The following AQR variants were observed in gnomAD, a reference collection of about 807,000 sequenced individuals.
AQR encodes RNA helicase aquarius.
Under a neutral mutation model 180.5 loss-of-function variants are expected in AQR, and 61 were observed. That is an observed-to-expected ratio of 0.34 (90% CI 0.28 to 0.42). The LOEUF (loss-of-function observed/expected upper bound fraction) is 0.42, where lower values mean the gene tolerates loss of function less well. AQR is among the 10% of genes least tolerant of loss of function. The pLI is 1.00. For missense variants in AQR, 1,281 were observed against 1,798.3 expected (o/e 0.71, Z 5.20); for synonymous variants, 551 against 588.8 (o/e 0.94, Z 0.93).
rs373180535 is a variant in AQR at position 34,854,193 on chromosome 15, C to T, written c.*2599G>A. On this transcript the variant is annotated 3_prime_UTR_variant, in exon 35 of 35. Coordinates refer to ENST00000156471, the MANE Select transcript of AQR (RefSeq NM_014691.3). ...AAAAAAGAAGAAGAAATTCTAAATA[C>T]TTGAATTGCTTCATTTCATGCTCAT... 5.1e-4 allele frequency: 75 copies of T among 146,492 alleles called. No individual in the cohort carries two copies. Among genetic ancestry groups the T allele is most frequent in the African/African-American group, 1.4e-3 (57 of 39,910 alleles). The allele number at this position is 146,492 out of a possible 1,614,324, so 9.1% of individuals were successfully genotyped here. A position where few individuals can be genotyped will look rare whatever the true frequency, so the allele number is the denominator to read the frequency against.
In AQR at chr15:34,952,918, AACCTG is replaced by A; in HGVS notation, c.174-3_175del. 7.0e-7 allele frequency: 1 copy of A among 1,433,212 alleles called. No homozygotes were observed. Among genetic ancestry groups the A allele is most frequent in the Non-Finnish European group, 9.6e-7 (1 of 1,037,654 alleles). 88.8% of individuals were successfully genotyped at this position (1,433,212 alleles called of 1,614,324 possible). Reference sequence around the variant, plus strand: ...CAAGAGCATTATCTTTCTAATAGCAAACCTGAAAACATAAAAATAAATAAAATGTT... The same window carrying A: ...CAAGAGCATTATCTTTCTAATAGCAAAAAACATAAAAATAAATAAAATGTT... On this transcript the variant is annotated splice_acceptor_variant and splice_polypyrimidine_tract_variant and coding_sequence_variant and intron_variant, in exon 4 of 35. Transcript: ENST00000156471. LOFTEE classifies it high-confidence loss of function.
At chr15:34,865,001 G>A (rs1009952773) in intron 32 of AQR, among the ~76,000 whole-genome samples, 4 of 152,150 alleles carry the variant, frequency 2.6e-5, no homozygotes, top group Non-Finnish European at 5.9e-5. Flanking sequence ...ATCTGAAAAT[G>A]TTTGTTAAAT....
chr15:34,862,739 G>A (rs1892686444), intron 33 of AQR, 128 bp downstream of exon 33: 1 of 1,014,168 alleles, frequency 9.9e-7, no homozygotes, highest in South Asian at 1.7e-5. Flanking sequence ...GTTCCTCAGT[G>A]CAGCACACTC....
chr15:34,897,790 T>C, intron 20 of AQR, 85 bp from the exon 21 acceptor site: 2 of 1,392,984 alleles, frequency 1.4e-6, no homozygotes, highest in Non-Finnish European at 2.0e-6. Flanking sequence ...GTATGCACGA[T>C]AATCAGAGGA....
intron 5 of AQR, among the ~76,000 whole-genome samples, chr15:34,945,219 T>C (rs1894091773): frequency 6.6e-6 from 1 of 152,228 alleles, no homozygotes; most frequent in African/African-American, 2.4e-5. Context: ...ATTCCTCTAC[T>C]AGATGACTTA....
At chr15:34,897,469 A>G in intron 21 of AQR, 90 bp downstream of exon 21, 1 of 1,479,424 alleles carries the variant, frequency 6.8e-7, no homozygotes, top group Non-Finnish European at 9.3e-7. Context: ...TGGAGTTTTA[A>G]AAGAAACAGA....
chr15:34,925,333 A>G (rs543386895), intron 13 of AQR, among the ~76,000 whole-genome samples: 1 of 152,232 alleles, frequency 6.6e-6, no homozygotes, highest in African/African-American at 2.4e-5. Context: ...ATTAAAATCC[A>G]ATTTACCCAG....
intron 34 of AQR, among the ~76,000 whole-genome samples, chr15:34,858,345 AAC>A (rs1892621522): frequency 6.6e-6 from 1 of 151,100 alleles, no homozygotes; most frequent in African/African-American, 2.4e-5. Context: ...AAAAAAAGAA[AAC>A]GAAAAAGAAA....
At chr15:34,936,761 C>T (rs10152248) in intron 9 of AQR, among the ~76,000 whole-genome samples, 2,725 of 151,782 alleles carry the variant, frequency 0.018, 72 homozygotes, top group African/African-American at 0.057. Context: ...TAAACAATAG[C>T]GGCAACAGCA....
chr15:34,939,385 C>A (rs1275172655), intron 8 of AQR, among the ~76,000 whole-genome samples: 1 of 152,070 alleles, frequency 6.6e-6, no homozygotes, highest in East Asian at 1.9e-4. Context: ...AGCTCCCAGC[C>A]AAACATTTTC....
chr15:34,878,475 T>C (rs897839085), intron 27 of AQR, among the ~76,000 whole-genome samples: 1 of 152,090 alleles, frequency 6.6e-6, no homozygotes, highest in African/African-American at 2.4e-5. Flanking sequence ...ACATAGAATT[T>C]TGTACATTGT....
chr15:34,875,883 C>A, intron 28 of AQR, 52 bp downstream of exon 28: 1 of 1,412,608 alleles, frequency 7.1e-7, no homozygotes, highest in Non-Finnish European at 1.0e-6. Flanking sequence ...TGATGCTGTC[C>A]TCAGCATTCT....
intron 16 of AQR, among the ~76,000 whole-genome samples, chr15:34,914,186 T>G (rs1893543773): frequency 1.3e-5 from 2 of 152,214 alleles, no homozygotes; most frequent in Non-Finnish European, 2.9e-5. Flanking sequence ...CTCATAGTAT[T>G]TTACTCATTT....
In AQR at chr15:34,856,893, CA is replaced by C. The variant is rs1892593305; in HGVS notation, c.4356del (p.Ala1453LeufsTer10). On this transcript the variant is annotated frameshift_variant, in exon 35 of 35. Transcript: ENST00000156471. LOFTEE classifies it low-confidence loss of function (END_TRUNC). ...TGATSTPEAI[P>X]ALSETTPTVV... is the part of the protein sequence containing the mutation. ...ACAGTAGGGGTGGTCTCAGATAAAG[CA>C]GGGATGGCTTCTGGAGTGGAAGTGG... 1 of 1,613,836 alleles carries C rather than the reference CA, an allele frequency of 6.2e-7. No homozygotes were observed. The highest frequency in any genetic ancestry group is 8.5e-7 in the Non-Finnish European group (1 of 1,179,882).
intron 9 of AQR, among the ~76,000 whole-genome samples, chr15:34,938,357 A>G (rs1035893993): frequency 1.3e-5 from 2 of 152,066 alleles, no homozygotes; most frequent in Non-Finnish European, 2.9e-5. Context: ...AACATGGAGA[A>G]ACCCCGTCTC....
At position 34,859,104 on chromosome 15, in the gene AQR, A is replaced by T. The variant is rs1892632668; in HGVS notation, c.4143+938T>A. Among the ~76,000 whole-genome samples the T allele has an allele frequency of 2.6e-5, 4 of 152,248 alleles. No individual in the cohort carries two copies. In the South Asian group the frequency reaches 8.3e-4, roughly 32 times the overall value. On this transcript the variant is annotated intron_variant, in intron 34 of 34. Transcript: ENST00000156471. Reference sequence around the variant, plus strand: ...TTAAAACTTTTGCTCTTTGAAAGACACTTACAAAATAAATAAACAAGCCAG... The same window carrying T: ...TTAAAACTTTTGCTCTTTGAAAGACTCTTACAAAATAAATAAACAAGCCAG...
intron 4 of AQR, among the ~76,000 whole-genome samples, chr15:34,950,724 C>A (rs969707059): frequency 1.3e-5 from 2 of 151,982 alleles, no homozygotes; most frequent in African/African-American, 4.8e-5. Context: ...GCTGTTCACT[C>A]TTGCTTATAG....
intron 3 of AQR, among the ~76,000 whole-genome samples, chr15:34,955,618 G>T (rs538889759): frequency 1.3e-5 from 2 of 152,184 alleles, no homozygotes; most frequent in East Asian, 1.9e-4. Flanking sequence ...AACAAAAGAA[G>T]CCAGCTACGC....
chr15:34,968,418 A>G (rs1305368213), intron 1 of AQR, among the ~76,000 whole-genome samples: 3 of 151,808 alleles, frequency 2.0e-5, no homozygotes, highest in African/African-American at 7.3e-5. Flanking sequence ...ATGCCCGGCT[A>G]ATTTTTTTTC....
Sources: gnomAD v4.1 joint callset for allele counts (sites outside exome capture counted in the v4.1 genomes callset) on GRCh38, gnomAD v4.1.1 for gene constraint, MANE v1.5 for transcripts, NCBI Gene and HGNC (gene_info 2026-07-23, HGNC 2026-07-21) for gene names.